Variants in ADAMTS2 observed in about 807,000 individuals in gnomAD.
ADAMTS2 encodes the protein A disintegrin and metalloproteinase with thrombospondin motifs 2.
A neutral mutation model predicts 123.0 loss-of-function variants in ADAMTS2; 50 were observed. The observed-to-expected ratio is 0.41, with a 90% CI of 0.32 to 0.51. The LOEUF (loss-of-function observed/expected upper bound fraction) is 0.51. ADAMTS2 is among the 20% of genes least tolerant of loss of function. ADAMTS2 has a pLI of 0.35. For missense variants in ADAMTS2, 1,494 were observed against 1,705.2 expected, an observed-to-expected ratio of 0.88 and a Z score of 2.18; for synonymous variants, 678 against 695.4, an observed-to-expected ratio of 0.98 and a Z score of 0.39.
chr5:179,301,555 C>T (rs904832395), intron 2 of ADAMTS2, among the ~76,000 whole-genome samples: 3 of 152,232 alleles, frequency 2.0e-5, no homozygotes, highest in East Asian at 1.9e-4. Context: ...CGCACTGGGA[C>T]AGGGGCATCT....
chr5:179,116,260 A>ACCCCCCCCCCCCCCCCC (rs146306326), intron 21 of ADAMTS2, among the ~76,000 whole-genome samples: 174 of 93,840 alleles, frequency 1.9e-3, no homozygotes, highest in Middle Eastern at 6.2e-3. Flanking sequence ...TGACCACGGC[A>ACCCCCCCCCCCCCCCCC]CCCCCCCCCC....
Position 179,175,212 on chromosome 5 carries a change from T to C in ADAMTS2, c.975+5860A>G, listed in dbSNP as rs753047742. 2.6e-5 allele frequency among the ~76,000 whole-genome samples: 4 copies of C among 151,652 alleles called. No homozygotes were observed. Among genetic ancestry groups the C allele is most frequent in the African/African-American group, 4.9e-5 (2 of 41,192 alleles). ...CGTCCATGTTGCTTTGGAGGAAGTC[T>C]CTTCCTTGCTTGGGTTCCGCAGCTG... On this transcript the variant is annotated intron_variant, in intron 5 of 21. Transcript: ENST00000251582. This position sits in a 1 kb window ranked among gnomAD's most constrained non-coding sequence, Gnocchi z 4.1.
At position 179,216,624 on chromosome 5, in the gene ADAMTS2, G is replaced by A. The variant is rs565879709; in HGVS notation, c.689-8909C>T. 1.8e-3 allele frequency among the ~76,000 whole-genome samples: 273 copies of A among 152,302 alleles called. 1 individual carries two copies. The highest frequency in any genetic ancestry group is 4.6e-3 in the African/African-American group (191 of 41,564). On this transcript the variant is annotated intron_variant, in intron 3 of 21. Transcript: ENST00000251582. ...CCCAGGAGGGGCCTTGTCAGTTCCC[G>A]GAGAAGCAGAAGTCAGACCACGACC...
intron 2 of ADAMTS2, among the ~76,000 whole-genome samples, chr5:179,301,340 A>G (rs1756511264): frequency 6.6e-6 from 1 of 152,206 alleles, no homozygotes; most frequent in South Asian, 2.1e-4. Context: ...CGTGTCTAAA[A>G]TGGCACAATA....
intron 2 of ADAMTS2, among the ~76,000 whole-genome samples, chr5:179,315,574 C>T (rs1375827691): frequency 1.3e-5 from 2 of 152,252 alleles, no homozygotes; most frequent in African/African-American, 2.4e-5. Flanking sequence ...GTCTCCACCT[C>T]CGGGGACACG....
At chr5:179,200,244 CTTTTTTTTTT>C (rs1051856642) in intron 4 of ADAMTS2, among the ~76,000 whole-genome samples, 10 of 103,694 alleles carry the variant, frequency 9.6e-5, no homozygotes, top group African/African-American at 3.6e-4. Flanking sequence ...CCTTTCTTTC[CTTTTTTTTTT>C]TTTTTTTTTT....
At chr5:179,325,605 T>C (rs1475642659) in intron 2 of ADAMTS2, among the ~76,000 whole-genome samples, 1 of 152,254 alleles carries the variant, frequency 6.6e-6, no homozygotes, top group East Asian at 1.9e-4. Flanking sequence ...CTGAAGCATG[T>C]GACCCAACCT....
At chr5:179,161,596 G>A (rs1182705026) in intron 5 of ADAMTS2, among the ~76,000 whole-genome samples, 2 of 152,154 alleles carry the variant, frequency 1.3e-5, no homozygotes, top group Non-Finnish European at 2.9e-5. Context: ...CAAGATGGGG[G>A]AATAAGCGTT....
Position 179,145,159 on chromosome 5 carries a change from TAGGGAA to T in ADAMTS2, c.1630-5130_1630-5125del, listed in dbSNP as rs1405053663. On this transcript the variant is annotated intron_variant, in intron 10 of 21. Coordinates refer to ENST00000251582, the MANE Select transcript of ADAMTS2 (RefSeq NM_014244.5). ...TGAAAAGACGGTCATCATAGGTCAC[TAGGGAA>T]ATACAAATCAAAACCCCAATGAGAT... Among the ~76,000 whole-genome samples, 21 of 152,322 alleles carry T rather than the reference TAGGGAA, an allele frequency of 1.4e-4. No individual in the cohort carries two copies. In the East Asian group the frequency reaches 2.7e-3, roughly 20 times the overall value.
chr5:179,191,711 G>T (rs1221914725), intron 4 of ADAMTS2, among the ~76,000 whole-genome samples: 1 of 152,138 alleles, frequency 6.6e-6, no homozygotes, highest in African/African-American at 2.4e-5. Flanking sequence ...CCCGCCTTAG[G>T]GTGAGATGCA....
chr5:179,329,983 G>A (rs549226658), intron 2 of ADAMTS2, among the ~76,000 whole-genome samples: 223 of 151,780 alleles, frequency 1.5e-3, no homozygotes, highest in African/African-American at 5.1e-3. Flanking sequence ...AAAATTAGCC[G>A]GGCGCGGTGG....
At chr5:179,246,540 A>G (rs1765805155) in intron 3 of ADAMTS2, among the ~76,000 whole-genome samples, 1 of 152,208 alleles carries the variant, frequency 6.6e-6, no homozygotes, top group African/African-American at 2.4e-5. Context: ...ATACCAGAGA[A>G]TCTAGGATTC....
intron 2 of ADAMTS2, among the ~76,000 whole-genome samples, chr5:179,338,011 T>G (rs1316933293): frequency 6.6e-6 from 1 of 152,186 alleles, no homozygotes; most frequent in East Asian, 1.9e-4. Flanking sequence ...ACTGGAGACA[T>G]GGGGGACAGG....
chr5:179,153,580 G>A lies in ADAMTS2; in HGVS notation c.1426C>T (p.Pro476Ser). 1 of 1,608,310 alleles carries A rather than the reference G, an allele frequency of 6.2e-7. No homozygotes were observed. ...AGTCCCGGGAGCTGGGGCAGCGCCGGCCAGTCGTGGGCGAAGGGGTCATCC... is the reference window on the plus strand; with the variant it reads ...AGTCCCGGGAGCTGGGGCAGCGCCGACCAGTCGTGGGCGAAGGGGTCATCC... ...LLDDPFAHDW[P>S]ALPQLPGLHY... The change falls in exon 9 of 22, where the codon CCG (proline) becomes TCG (serine). Residue 476 changes from proline (P) to serine (S), a missense_variant. Pro to Ser is a moderately conservative substitution (Grantham distance 74). Coordinates refer to ENST00000251582, the MANE Select transcript of ADAMTS2 (RefSeq NM_014244.5).
intron 3 of ADAMTS2, among the ~76,000 whole-genome samples, chr5:179,248,129 A>G (rs1384909727): frequency 2.0e-5 from 3 of 152,316 alleles, no homozygotes; most frequent in East Asian, 3.9e-4. Context: ...AGCATTTTGT[A>G]TACTATTGAC....
chr5:179,127,525 T>C (rs1762880649), intron 17 of ADAMTS2, among the ~76,000 whole-genome samples: 1 of 152,130 alleles, frequency 6.6e-6, no homozygotes, highest in Non-Finnish European at 1.5e-5. Flanking sequence ...AGGACCCCTC[T>C]GTGCTCAGCC....
intron 2 of ADAMTS2, among the ~76,000 whole-genome samples, chr5:179,293,183 T>G (rs1360550831): frequency 6.6e-6 from 1 of 152,140 alleles, no homozygotes; most frequent in Non-Finnish European, 1.5e-5. Flanking sequence ...TCCCCGAAAA[T>G]AAGGAACGTT....
chr5:179,226,693 A>G (rs915709247), intron 3 of ADAMTS2, among the ~76,000 whole-genome samples: 2 of 152,232 alleles, frequency 1.3e-5, no homozygotes, highest in East Asian at 1.9e-4. Context: ...GATCCAGCCA[A>G]CCATCCTAGG....
intron 10 of ADAMTS2, among the ~76,000 whole-genome samples, chr5:179,147,408 G>A (rs1763269634): frequency 6.6e-6 from 1 of 152,174 alleles, no homozygotes; most frequent in South Asian, 2.1e-4. Context: ...TTTTGAACAA[G>A]CAGACCATCT....
Sources: gnomAD v4.1 joint callset for allele counts (sites outside exome capture counted in the v4.1 genomes callset) on GRCh38, gnomAD v4.1.1 for gene constraint, Gnocchi (gnomAD v3.1) non-coding constraint, MANE v1.5 for transcripts, NCBI Gene and HGNC (gene_info 2026-07-23, HGNC 2026-07-21) for gene names.